Variants in NLGN1 observed in about 807,000 individuals in gnomAD.
The protein encoded by NLGN1 is neuroligin-1.
Under a neutral mutation model 65.5 loss-of-function variants are expected in NLGN1, and 12 were observed. The observed-to-expected ratio is 0.18, with a 90% CI of 0.12 to 0.30. The LOEUF (loss-of-function observed/expected upper bound fraction) is 0.30, where lower values mean the gene tolerates loss of function less well. Ranked by LOEUF, NLGN1 falls within the 10% of genes least tolerant of loss-of-function variation. The pLI, the probability that NLGN1 is intolerant of heterozygous loss-of-function variation, is 1.00. For synonymous variants in NLGN1, 350 were observed against 359.5 expected, an observed-to-expected ratio of 0.97 and a Z score of 0.30; for missense variants, 750 against 1,007.1, an observed-to-expected ratio of 0.74 and a Z score of 3.46.
At chr3:173,889,668 A>G (rs929037814) in intron 4 of NLGN1, among the ~76,000 whole-genome samples, 3 of 152,178 alleles carry the variant, frequency 2.0e-5, no homozygotes, top group African/African-American at 7.2e-5. Flanking sequence ...ATGAAAAGGA[A>G]TAAAAGAACA....
In NLGN1 at chr3:174,280,817, A is replaced by C; in HGVS notation, c.1986A>C (p.Pro662=). The change falls in exon 7 of 7, where the codon CCA becomes CCC. Residue 662 remains proline, a synonymous_variant. Coordinates refer to ENST00000457714, the Ensembl canonical transcript of NLGN1. The surrounding 1 kb of genome is among the most constrained non-coding windows in gnomAD (Gnocchi z 4.9). ...AGCAGGATGATCCCAAACAACAACC[A>C]AGTCCATTTTCAGTGGATCAAAGGG... 1 of 1,613,422 alleles carries C rather than the reference A, an allele frequency of 6.2e-7. No homozygotes were observed. The highest frequency in any genetic ancestry group is 2.2e-5 in the East Asian group (1 of 44,822).
chr3:174,145,767 T>A (rs1246701508), intron 4 of NLGN1, among the ~76,000 whole-genome samples: 1 of 152,266 alleles, frequency 6.6e-6, no homozygotes, highest in Non-Finnish European at 1.5e-5. Context: ...TTAATAATTT[T>A]ATGCACTGTA....
Position 174,279,477 on chromosome 3 carries a change from C to T in NLGN1, c.1476C>T (p.Cys492=). ...ACTTCTATGCCTTTTACCATCATTG[C>T]CAAACAGATCAGGTTCCAGCTTGGG... Residue 492 remains cysteine (C), a synonymous_variant, in exon 6 of 7, where the codon TGC becomes TGT. Coordinates refer to ENST00000457714, the Ensembl canonical transcript of NLGN1. This position sits in a 1 kb window ranked among gnomAD's most constrained non-coding sequence, Gnocchi z 4.7. 6.2e-7 allele frequency: 1 copy of T among 1,613,174 alleles called. No individual in the cohort carries two copies. The highest frequency in any genetic ancestry group is 8.5e-7 in the Non-Finnish European group (1 of 1,179,526).
intron 4 of NLGN1, among the ~76,000 whole-genome samples, chr3:173,882,954 CA>C (rs1329427850): frequency 1.4e-5 from 2 of 147,872 alleles, no homozygotes; most frequent in African/African-American, 5.1e-5. Context: ...GAACGCTTAG[CA>C]GCCATTGAGG....
At chr3:174,022,249 A>G (rs1226671949) in intron 4 of NLGN1, among the ~76,000 whole-genome samples, 1 of 152,154 alleles carries the variant, frequency 6.6e-6, no homozygotes, top group Non-Finnish European at 1.5e-5. Flanking sequence ...TCTTTTGCTT[A>G]TTCAGTTTGC....
intron 4 of NLGN1, among the ~76,000 whole-genome samples, chr3:173,984,646 G>C (rs1719500449): frequency 6.6e-6 from 1 of 152,148 alleles, no homozygotes; most frequent in Admixed American, 6.6e-5. Flanking sequence ...CACAGCATTT[G>C]TTTTATCCTG....
chr3:173,926,365 C>CT (rs1392870019), intron 4 of NLGN1, among the ~76,000 whole-genome samples: 1 of 152,050 alleles, frequency 6.6e-6, no homozygotes, highest in Non-Finnish European at 1.5e-5. Flanking sequence ...CTAAATAATA[C>CT]TTTTTTATTT....
At chr3:173,990,089 G>T (rs1720787858) in intron 4 of NLGN1, among the ~76,000 whole-genome samples, 1 of 152,136 alleles carries the variant, frequency 6.6e-6, no homozygotes, top group Non-Finnish European at 1.5e-5. Flanking sequence ...CAAGAAGTGG[G>T]AATGGCTGTT....
chr3:174,022,707 A>ATT (rs34214381), intron 4 of NLGN1, among the ~76,000 whole-genome samples: 2 of 151,458 alleles, frequency 1.3e-5, no homozygotes, highest in African/African-American at 2.4e-5. Flanking sequence ...GTGGCTCTAG[A>ATT]TTTTTTTTTC....
chr3:173,448,526 T>G (rs1238527051), intron 2 of NLGN1, among the ~76,000 whole-genome samples: 1 of 152,192 alleles, frequency 6.6e-6, no homozygotes, highest in Non-Finnish European at 1.5e-5. Flanking sequence ...AAATTCTCTT[T>G]TTTGGTTGTG....
At chr3:173,771,627 G>A (rs978442276) in intron 3 of NLGN1, among the ~76,000 whole-genome samples, 3 of 25,232 alleles carry the variant, frequency 1.2e-4, no homozygotes, top group Admixed American at 4.3e-4. Flanking sequence ...GCTAGTAAAC[G>A]CAGAAAATTA....
At chr3:174,227,176 CACAA>C (rs1401998613) in intron 4 of NLGN1, among the ~76,000 whole-genome samples, 40 of 152,148 alleles carry the variant, frequency 2.6e-4, no homozygotes, top group African/African-American at 9.4e-4. Flanking sequence ...AGGTATAAAA[CACAA>C]AGCCATGTTT....
intron 4 of NLGN1, among the ~76,000 whole-genome samples, chr3:173,902,796 G>A (rs1255276850): frequency 6.6e-6 from 1 of 152,090 alleles, no homozygotes; most frequent in Non-Finnish European, 1.5e-5. Context: ...ACAGCATTAA[G>A]TCTAGAGATC....
chr3:173,424,138 C>T (rs1715656446), intron 1 of NLGN1, among the ~76,000 whole-genome samples: 2 of 152,190 alleles, frequency 1.3e-5, no homozygotes, highest in Admixed American at 6.5e-5. Flanking sequence ...CTTTTAGCCA[C>T]AGCTGGAGCT....
At chr3:174,086,847 C>T (rs1743508765) in intron 4 of NLGN1, among the ~76,000 whole-genome samples, 1 of 151,948 alleles carries the variant, frequency 6.6e-6, no homozygotes, top group African/African-American at 2.4e-5. Context: ...GTGTTTGGCA[C>T]AGTTATTTTA....
intron 4 of NLGN1, among the ~76,000 whole-genome samples, chr3:174,240,318 A>T (rs1359466296): frequency 1.3e-5 from 2 of 148,336 alleles, no homozygotes; most frequent in Non-Finnish European, 2.9e-5. Context: ...TATAGATCTA[A>T]CTTTAGAATT....
At chr3:173,516,844 G>T (rs1733895176) in intron 2 of NLGN1, among the ~76,000 whole-genome samples, 1 of 151,962 alleles carries the variant, frequency 6.6e-6, no homozygotes, top group Non-Finnish European at 1.5e-5. Context: ...AAATTACTGA[G>T]TATAAAACCT....
At chr3:173,606,466 TAG>T in intron 3 of NLGN1, among the ~76,000 whole-genome samples, 1 of 152,182 alleles carries the variant, frequency 6.6e-6, no homozygotes, top group South Asian at 2.1e-4. Flanking sequence ...CATAACTTTG[TAG>T]AATTTCCAAT....
At chr3:173,978,834 T>TAAAAAAAAAAAAAAAAAA (rs34496124) in intron 4 of NLGN1, among the ~76,000 whole-genome samples, 1 of 111,276 alleles carries the variant, frequency 9.0e-6, no homozygotes. Flanking sequence ...CTTCTCTAAT[T>TAAAAAAAAAAAAAAAAAA]AAAAAAAAAA....
Sources: allele counts gnomAD v4.1 joint callset (sites outside exome capture counted in the v4.1 genomes callset), GRCh38; gene constraint gnomAD v4.1.1; non-coding constraint Gnocchi (gnomAD v3.1); transcripts MANE v1.5; gene names NCBI Gene and HGNC (gene_info 2026-07-23, HGNC 2026-07-21).